TENM4: variants seen among roughly 807,000 people sequenced by gnomAD.
The protein encoded by TENM4 is teneurin transmembrane protein 4, also known as teneurin-4.
Under a neutral mutation model 243.3 loss-of-function variants are expected in TENM4, and 82 were observed. The ratio of observed to expected loss-of-function variants is 0.34; its 90% confidence interval spans 0.28 to 0.40. TENM4 has a LOEUF of 0.40. Among genes scored for constraint, TENM4 ranks in the 10% least tolerant of loss-of-function variants. TENM4 has a pLI of 1.00. For missense variants in TENM4, 3,138 were observed against 3,673.3 expected, an observed-to-expected ratio of 0.85 and a Z score of 3.77; for synonymous variants, 1,412 against 1,456.3, an observed-to-expected ratio of 0.97 and a Z score of 0.69.
In TENM4 at chr11:78,889,827, C is replaced by T. The variant is rs552320703; in HGVS notation, c.1042G>A (p.Val348Ile). 2.2e-5 allele frequency: 34 copies of T among 1,551,858 alleles called. No homozygotes were observed. The highest frequency in any genetic ancestry group is 1.5e-4 in the South Asian group (13 of 84,060). Reference sequence around the variant, plus strand: ...AGGATGACCAGAGTGGCTGAGATGACGATGGCGCTCAGGGCTGCGCACTTC... The same window carrying T: ...AGGATGACCAGAGTGGCTGAGATGATGATGGCGCTCAGGGCTGCGCACTTC... ...NWKCAALSAI[V>I]ISATLVILLA... The change falls in exon 9 of 34, where the codon GTC becomes ATC. Residue 348 changes from valine to isoleucine, a missense_variant. Transcript: ENST00000278550.
At position 79,282,754 on chromosome 11, in the gene TENM4, G is replaced by A. The variant is rs568735923; in HGVS notation, c.-265+14734C>T. 7.9e-5 allele frequency among the ~76,000 whole-genome samples: 12 copies of A among 152,168 alleles called. No homozygotes were observed. The South Asian group carries it at 2.5e-3, about 32-fold the overall frequency. ...AGGCCAATCTCTTATCTGTTATGAA[G>A]GAGAAAGTTTTGCTTCAATGGAGTA... On this transcript the variant is annotated intron_variant, in intron 2 of 33. Coordinates refer to ENST00000278550, the MANE Select transcript of TENM4 (RefSeq NM_001098816.3).
intron 2 of TENM4, among the ~76,000 whole-genome samples, chr11:79,258,398 A>G (rs1303045648): frequency 1.3e-5 from 2 of 152,208 alleles, no homozygotes; most frequent in African/African-American, 4.8e-5. Flanking sequence ...GCTAGTAGGC[A>G]GTGGGGCCTC....
At chr11:78,992,962 G>A (rs573741931) in intron 6 of TENM4, among the ~76,000 whole-genome samples, 15 of 152,234 alleles carry the variant, frequency 9.9e-5, no homozygotes, top group Admixed American at 5.2e-4. Flanking sequence ...GATGACCTGG[G>A]TTCCACTGCT....
intron 12 of TENM4, among the ~76,000 whole-genome samples, chr11:78,837,779 T>C (rs1229982855): frequency 1.3e-5 from 2 of 152,220 alleles, no homozygotes; most frequent in East Asian, 1.9e-4. Context: ...CATTTTCCCA[T>C]AGTTCAGACT....
rs541525426 is a variant in TENM4 at position 79,061,144 on chromosome 11, C to T, written c.493+3594G>A. On this transcript the variant is annotated intron_variant, in intron 6 of 33. Transcript: ENST00000278550. Reference sequence around the variant, plus strand: ...TCTCTCTGTGCCTCAGTTTCCTCCGCTATAAGTTGGGGAGATAATAGTGTA... The same window carrying T: ...TCTCTCTGTGCCTCAGTTTCCTCCGTTATAAGTTGGGGAGATAATAGTGTA... Among the ~76,000 whole-genome samples, 19 of 152,316 alleles carry T rather than the reference C, an allele frequency of 1.2e-4. 1 individual carries two copies. Among genetic ancestry groups the T allele is most frequent in the African/African-American group, 4.3e-4 (18 of 41,564 alleles).
rs11237622 is a variant in TENM4 at position 78,788,749 on chromosome 11, C to T, written c.2180-1666G>A. Among the ~76,000 whole-genome samples, 1,180 of 152,318 alleles carry T rather than the reference C, an allele frequency of 7.7e-3. 14 individuals are homozygous for T. Among genetic ancestry groups the T allele is most frequent in the African/African-American group, 0.027 (1,119 of 41,570 alleles). On this transcript the variant is annotated intron_variant, in intron 15 of 33. Coordinates refer to ENST00000278550, the MANE Select transcript of TENM4 (RefSeq NM_001098816.3). ...TCTAGGAGGTTTGTGAGATCTATACCTGCTCAGCCACTAATCTACTGTGTG... is the reference window on the plus strand; with the variant it reads ...TCTAGGAGGTTTGTGAGATCTATACTTGCTCAGCCACTAATCTACTGTGTG...
chr11:79,412,768 T>A lies in TENM4; in HGVS notation c.-321+27741A>T, dbSNP rs532772749. ...CTCCTGATTATCATGTTTTCGTGCATGCATCCATTCATTCATTTATTTTTT... is the reference window on the plus strand; with the variant it reads ...CTCCTGATTATCATGTTTTCGTGCAAGCATCCATTCATTCATTTATTTTTT... On this transcript the variant is annotated intron_variant, in intron 1 of 33. Transcript: ENST00000278550. Among the ~76,000 whole-genome samples, 6 of 152,360 alleles carry A rather than the reference T, an allele frequency of 3.9e-5. No individual in the cohort carries two copies. In the East Asian group the frequency reaches 1.2e-3, roughly 29 times the overall value.
intron 19 of TENM4, among the ~76,000 whole-genome samples, chr11:78,741,196 C>G (rs1246146750): frequency 6.6e-6 from 1 of 152,104 alleles, no homozygotes; most frequent in Non-Finnish European, 1.5e-5. Context: ...TGCATTTGTC[C>G]TGGGAGGTTT....
chr11:79,139,981 C>T (rs1591311119), intron 4 of TENM4, among the ~76,000 whole-genome samples: 2 of 151,056 alleles, frequency 1.3e-5, no homozygotes, highest in Middle Eastern at 3.4e-3. Flanking sequence ...TTTATTCTGT[C>T]TCCTAGGTGA....
chr11:79,124,959 A>G (rs1012373900), intron 4 of TENM4, among the ~76,000 whole-genome samples: 1 of 149,498 alleles, frequency 6.7e-6, no homozygotes, highest in African/African-American at 2.5e-5. Context: ...CTGTCCCTCT[A>G]GAAAACCCTA....
chr11:78,824,961 T>C (rs2136131332), intron 12 of TENM4, among the ~76,000 whole-genome samples: 1 of 152,368 alleles, frequency 6.6e-6, no homozygotes, highest in African/African-American at 2.4e-5. Context: ...TTTGGCTTTG[T>C]TAACTGAAAC....
chr11:78,712,459 A>G (rs1464194318), intron 26 of TENM4, 23 bp downstream of exon 26: 5 of 1,589,100 alleles, frequency 3.1e-6, no homozygotes, highest in Middle Eastern at 1.7e-4. Flanking sequence ...GTTATTGACA[A>G]TGTCTCTAAG....
At chr11:78,815,988 C>A (rs528913988) in intron 12 of TENM4, among the ~76,000 whole-genome samples, 1 of 152,318 alleles carries the variant, frequency 6.6e-6, no homozygotes, top group East Asian at 1.9e-4. Context: ...ATGAGCAAGG[C>A]AGATCTATCG....
chr11:78,814,842 T>C (rs531795206), intron 12 of TENM4, among the ~76,000 whole-genome samples: 2 of 152,134 alleles, frequency 1.3e-5, no homozygotes, highest in East Asian at 3.9e-4. Flanking sequence ...CATTTACAAA[T>C]CTGTCTTTTC....
intron 3 of TENM4, among the ~76,000 whole-genome samples, chr11:79,164,794 A>AT (rs1862873026): frequency 6.6e-6 from 1 of 151,448 alleles, no homozygotes. Context: ...TTGCTTCATC[A>AT]TTTTCTCTTG....
At chr11:79,389,571 G>T (rs1457611914) in intron 1 of TENM4, among the ~76,000 whole-genome samples, 1 of 152,174 alleles carries the variant, frequency 6.6e-6, no homozygotes, top group African/African-American at 2.4e-5. Context: ...TATAGTCCAG[G>T]CATCTGCAAA....
At chr11:78,901,134 A>G (rs941838381) in intron 7 of TENM4, among the ~76,000 whole-genome samples, 2 of 152,186 alleles carry the variant, frequency 1.3e-5, no homozygotes, top group Non-Finnish European at 2.9e-5. Context: ...ATACATGTAC[A>G]TGCACATACA....
At chr11:79,021,175 C>T (rs933334545) in intron 6 of TENM4, among the ~76,000 whole-genome samples, 1 of 152,202 alleles carries the variant, frequency 6.6e-6, no homozygotes, top group Non-Finnish European at 1.5e-5. Context: ...TTCTACCCAG[C>T]CCTCATCACA....
chr11:78,733,649 A>G (rs777687321), intron 20 of TENM4, among the ~76,000 whole-genome samples: 5 of 152,194 alleles, frequency 3.3e-5, no homozygotes, highest in African/African-American at 4.8e-5. Context: ...CTTTTTGAAC[A>G]TTGAAGAAAA....
Sources: gnomAD v4.1 joint callset for allele counts (sites outside exome capture counted in the v4.1 genomes callset) on GRCh38, gnomAD v4.1.1 for gene constraint, MANE v1.5 for transcripts, NCBI Gene and HGNC (gene_info 2026-07-23, HGNC 2026-07-21) for gene names.